MIOS: variants seen among roughly 807,000 people sequenced by gnomAD.
The protein encoded by MIOS is meiosis regulator for oocyte development.
In MIOS, 52 loss-of-function variants were observed where a neutral mutation model predicts 96.9. That is an observed-to-expected ratio of 0.54 (90% CI 0.43 to 0.68). The LOEUF is 0.68. Ranked by LOEUF, MIOS falls within the 30% of genes least tolerant of loss-of-function variation. The pLI, the probability that MIOS is intolerant of heterozygous loss-of-function variation, is 0.00. For synonymous variants in MIOS, 397 were observed against 359.5 expected (o/e 1.10, Z -1.18); for missense variants, 1,005 against 1,052.8 (o/e 0.95, Z 0.63).
rs141631713 is a variant in MIOS at position 7,573,433 on chromosome 7, C to G, written c.958C>G (p.Pro320Ala). The G allele has an allele frequency of 1.9e-6, 3 of 1,614,010 alleles. No individual in the cohort carries two copies. The highest frequency in any genetic ancestry group is 2.5e-6 in the Non-Finnish European group (3 of 1,179,972). ...CACAATAATTGAAAGAAGTGTGCAACCTTGTGACAATTACATTGCTTCCTT... is the reference window on the plus strand; with the variant it reads ...CACAATAATTGAAAGAAGTGTGCAAGCTTGTGACAATTACATTGCTTCCTT... ...EPTIIERSVQPCDNYIASFAW... is the reference protein window; with the variant it reads ...EPTIIERSVQACDNYIASFAW... The change falls in exon 4 of 13, where the codon CCT (proline) becomes GCT (alanine). Residue 320 changes from proline to alanine, a missense_variant. Pro to Ala is a conservative substitution (Grantham distance 27). This residue lies in a region of MIOS where 865 missense variants were observed against 887.9 expected (regional missense o/e 0.97). Transcript: ENST00000340080. The surrounding 1 kb of genome is among the most constrained non-coding windows in gnomAD (Gnocchi z 5.0).
chr7:7,581,835 ACT>A, intron 5 of MIOS: 2 of 152,300 alleles, frequency 1.3e-5, no homozygotes, highest in Middle Eastern at 6.8e-3. Context: ...CAAAGGACTT[ACT>A]TAATTAGGTC....
intron 3 of MIOS, among the ~76,000 whole-genome samples, chr7:7,570,947 T>A (rs1312243854): frequency 3.3e-5 from 5 of 152,190 alleles, no homozygotes; most frequent in Non-Finnish European, 7.4e-5. Flanking sequence ...TATATGAGTC[T>A]ATGAAGTTTT....
rs746279396 is a variant in MIOS at position 7,572,532 on chromosome 7, T to A, written c.57T>A (p.Val19=). Residue 19 remains valine, a synonymous_variant, in exon 4 of 13, where the codon GTT becomes GTA. Coordinates refer to ENST00000340080, the MANE Select transcript of MIOS (RefSeq NM_019005.4). The surrounding 1 kb of genome is among the most constrained non-coding windows in gnomAD (Gnocchi z 4.8). ...LWAPHHVDRF[V]VCDSELSLYH... is the part of the protein sequence containing the mutation. ...CACCACACCATGTTGATAGATTTGT[T>A]GTGTGTGACTCAGAACTAAGTCTTT... The A allele has an allele frequency of 3.1e-6, 5 of 1,614,110 alleles. No individual in the cohort carries two copies. The highest frequency in any genetic ancestry group is 4.2e-6 in the Non-Finnish European group (5 of 1,179,988).
intron 9 of MIOS, among the ~76,000 whole-genome samples, chr7:7,590,122 C>T (rs1386383727): frequency 6.6e-6 from 1 of 152,140 alleles, no homozygotes; most frequent in African/African-American, 2.4e-5. Flanking sequence ...CCTGAGATTT[C>T]CTGTAGCCCT....
intron 5 of MIOS, among the ~76,000 whole-genome samples, chr7:7,580,461 A>T (rs1317645674): frequency 1.3e-5 from 2 of 152,202 alleles, no homozygotes; most frequent in Non-Finnish European, 2.9e-5. Flanking sequence ...GTCAGGTTAA[A>T]AATACGTAAC....
At chr7:7,606,335 T>G in intron 12 of MIOS, among the ~76,000 whole-genome samples, 1 of 152,350 alleles carries the variant, frequency 6.6e-6, no homozygotes, top group South Asian at 2.1e-4. Context: ...TTAACTTTAT[T>G]CGGGGAGAGG....
rs1267524448 is a variant in MIOS at position 7,573,164 on chromosome 7, T to C, written c.689T>C (p.Val230Ala). The change falls in exon 4 of 13, where the codon GTG (valine) becomes GCG (alanine). Residue 230 changes from valine (V) to alanine (A), a missense_variant. By Grantham distance (64) the Val-to-Ala change is moderately conservative. This residue lies in a region of MIOS where 865 missense variants were observed against 887.9 expected (regional missense o/e 0.97). Transcript: ENST00000340080. This position sits in a 1 kb window ranked among gnomAD's most constrained non-coding sequence, Gnocchi z 5.0. ...GTAAATACAAAAGCTGTTCAGGGTGTGACGGTAGACCCATATTTCCACGAT... is the reference window on the plus strand; with the variant it reads ...GTAAATACAAAAGCTGTTCAGGGTGCGACGGTAGACCCATATTTCCACGAT... ...MFVNTKAVQG[V>A]TVDPYFHDRV... is the part of the protein sequence containing the mutation. 1 of 1,614,098 alleles carries C rather than the reference T, an allele frequency of 6.2e-7. No homozygotes were observed. The highest frequency in any genetic ancestry group is 1.7e-5 in the Admixed American group (1 of 60,012).
In MIOS at chr7:7,572,522, A is replaced by G. The variant is rs1563012842; in HGVS notation, c.47A>G (p.Asp16Gly). ...ATTTTATGGGCACCACACCATGTTG[A>G]TAGATTTGTTGTGTGTGACTCAGAA... Reference protein sequence around the residue: ...PDILWAPHHVDRFVVCDSELS... With the variant: ...PDILWAPHHVGRFVVCDSELS... Residue 16 changes from aspartate to glycine, a missense_variant, in exon 4 of 13, where the codon GAT (aspartate) becomes GGT (glycine). By Grantham distance (94) the Asp-to-Gly change is moderately conservative. Transcript: ENST00000340080. The surrounding 1 kb of genome is among the most constrained non-coding windows in gnomAD (Gnocchi z 4.8). 1 of 1,614,066 alleles carries G rather than the reference A, an allele frequency of 6.2e-7. No individual in the cohort carries two copies. The highest frequency in any genetic ancestry group is 8.5e-7 in the Non-Finnish European group (1 of 1,179,956).
At chr7:7,606,942 A>C (rs998751396) in intron 12 of MIOS, 54 bp from the exon 13 acceptor site, 26 of 1,274,286 alleles carry the variant, frequency 2.0e-5, no homozygotes, top group Non-Finnish European at 2.6e-5. Flanking sequence ...TAAATAAATA[A>C]ATGTATGTCT....
At position 7,607,013 on chromosome 7, in the gene MIOS, C is replaced by T. The variant is rs1355023014; in HGVS notation, c.2549C>T (p.Pro850Leu). Residue 850 changes from proline (P) to leucine (L), a missense_variant, in exon 13 of 13, where the codon CCT (proline) becomes CTT (leucine). Around this residue, in one of 3 missense-constraint regions of MIOS, gnomAD observed 865 missense variants for 887.9 expected, o/e 0.97. Coordinates refer to ENST00000340080, the MANE Select transcript of MIOS (RefSeq NM_019005.4). ...TTTTTTAGGGACCATGCAGAGTGCCCTGTGTCGGCATGCACGTGTAAATGT... is the reference window on the plus strand; with the variant it reads ...TTTTTTAGGGACCATGCAGAGTGCCTTGTGTCGGCATGCACGTGTAAATGT... ...LSWFRDHAEC[P>L]VSACTCKCMQ... The T allele has an allele frequency of 6.2e-7, 1 of 1,611,978 alleles. No individual in the cohort carries two copies. The highest frequency in any genetic ancestry group is 8.5e-7 in the Non-Finnish European group (1 of 1,178,692).
intron 9 of MIOS, 86 bp downstream of exon 9, chr7:7,589,649 C>G: frequency 7.0e-7 from 1 of 1,431,348 alleles, no homozygotes; most frequent in Non-Finnish European, 9.5e-7. Context: ...TGCACTTTTG[C>G]TTGCTTAGGA....
At chr7:7,579,861 A>G (rs2115388381) in intron 5 of MIOS, among the ~76,000 whole-genome samples, 1 of 152,222 alleles carries the variant, frequency 6.6e-6, no homozygotes. Context: ...TCATACAACA[A>G]CGAAATTGCG....
intron 11 of MIOS, among the ~76,000 whole-genome samples, chr7:7,603,576 G>A (rs1563047760): frequency 6.6e-6 from 1 of 152,190 alleles, no homozygotes; most frequent in Non-Finnish European, 1.5e-5. Flanking sequence ...GTGTTGGAGA[G>A]GATGTGAAGA....
chr7:7,601,289 T>G (rs1784371160), intron 11 of MIOS, among the ~76,000 whole-genome samples: 1 of 151,434 alleles, frequency 6.6e-6, no homozygotes, highest in Admixed American at 6.6e-5. Flanking sequence ...GCTGGTTTTT[T>G]TTTTGAAAAG....
intron 5 of MIOS, among the ~76,000 whole-genome samples, chr7:7,574,948 T>C (rs1223150944): frequency 6.6e-6 from 1 of 152,090 alleles, no homozygotes; most frequent in Non-Finnish European, 1.5e-5. Flanking sequence ...CGTTATATAC[T>C]TAGAGATTGA....
intron 11 of MIOS, among the ~76,000 whole-genome samples, chr7:7,598,438 A>G (rs1045293975): frequency 7.2e-5 from 11 of 152,158 alleles, no homozygotes; most frequent in African/African-American, 2.7e-4. Flanking sequence ...AGAATATGTA[A>G]TGTTTTAAAT....
chr7:7,595,425 T>C (rs1052061223), intron 10 of MIOS, among the ~76,000 whole-genome samples: 1 of 152,206 alleles, frequency 6.6e-6, no homozygotes, highest in East Asian at 1.9e-4. Context: ...TAAATTCCAC[T>C]TGTGTATTAA....
chr7:7,589,582 C>T lies in MIOS; in HGVS notation c.2043+19C>T. On this transcript the variant is annotated intron_variant, in intron 9 of 12. Transcript: ENST00000340080. ...GTTACAGGTCAGTGCAGTTTGACAG[C>T]AGCTTTTAAAAAAGTAACAATATTC... is the stretch of plus-strand genomic sequence containing the variant. The T allele has an allele frequency of 6.4e-7, 1 of 1,557,424 alleles. No individual in the cohort carries two copies. The highest frequency in any genetic ancestry group is 8.7e-7 in the Non-Finnish European group (1 of 1,150,224).
At chr7:7,583,403 T>C (rs749042456) in intron 6 of MIOS, 31 bp downstream of exon 6, 3 of 1,524,414 alleles carry the variant, frequency 2.0e-6, no homozygotes, top group Admixed American at 4.2e-5. Context: ...ATATTAGTTA[T>C]AATCTAAGAT....
Sources: gnomAD v4.1 joint callset for allele counts (sites outside exome capture counted in the v4.1 genomes callset) on GRCh38, gnomAD v4.1.1 for gene constraint, gnomAD v4.1.1 regional missense constraint, Gnocchi (gnomAD v3.1) non-coding constraint, MANE v1.5 for transcripts, NCBI Gene and HGNC (gene_info 2026-07-23, HGNC 2026-07-21) for gene names.